CNTN4: variants seen among roughly 807,000 people sequenced by gnomAD.
The protein encoded by CNTN4 is contactin-4.
In CNTN4, 77 loss-of-function variants were observed where a neutral mutation model predicts 122.5. The observed-to-expected ratio is 0.63, with a 90% CI of 0.52 to 0.76. CNTN4 has a LOEUF of 0.76. CNTN4 is among the 30% of genes least tolerant of loss of function. CNTN4 has a pLI of 0.00. For synonymous variants in CNTN4, 512 were observed against 447.0 expected, an observed-to-expected ratio of 1.15 and a Z score of -1.83; for missense variants, 1,256 against 1,259.1, an observed-to-expected ratio of 1.00 and a Z score of 0.04.
intron 2 of CNTN4, among the ~76,000 whole-genome samples, chr3:2,226,256 T>C (rs1244409549): frequency 6.6e-6 from 1 of 152,196 alleles, no homozygotes; most frequent in East Asian, 1.9e-4. Flanking sequence ...AAGGTTGGAC[T>C]TGCCTCGTCT....
chr3:2,626,366 G>A lies in CNTN4; in HGVS notation c.55+54808G>A, dbSNP rs533130041. 3.3e-5 allele frequency among the ~76,000 whole-genome samples: 5 copies of A among 152,084 alleles called. No individual in the cohort carries two copies. The East Asian group carries it at 9.7e-4, about 29-fold the overall frequency. ...AAAAAAATTAGCCAGGCGTGGTGGT[G>A]GGCACCTGTAGTCCCAGCTACTCGG... is the stretch of plus-strand genomic sequence containing the variant. On this transcript the variant is annotated intron_variant, in intron 4 of 24. Transcript: ENST00000418658.
chr3:2,434,577 G>A (rs1408822795), intron 3 of CNTN4, among the ~76,000 whole-genome samples: 3 of 152,162 alleles, frequency 2.0e-5, no homozygotes, highest in Non-Finnish European at 2.9e-5. Flanking sequence ...AGTTTGTTTT[G>A]TAATTTCCGG....
At chr3:2,418,276 A>T (rs909680420) in intron 3 of CNTN4, among the ~76,000 whole-genome samples, 4 of 152,144 alleles carry the variant, frequency 2.6e-5, no homozygotes, top group Admixed American at 2.6e-4. Flanking sequence ...CTTCCCCTCA[A>T]TTTTGCTGTG....
At chr3:2,247,810 A>G (rs1043225139) in intron 2 of CNTN4, among the ~76,000 whole-genome samples, 1 of 152,006 alleles carries the variant, frequency 6.6e-6, no homozygotes, top group African/African-American at 2.4e-5. Flanking sequence ...CTTAGAAGTT[A>G]TGATAATAAT....
At chr3:2,644,429 C>T (rs2083028481) in intron 4 of CNTN4, among the ~76,000 whole-genome samples, 1 of 152,076 alleles carries the variant, frequency 6.6e-6, no homozygotes, top group African/African-American at 2.4e-5. Context: ...GAGCTCCTTT[C>T]AGAAACTCTC....
chr3:2,157,113 C>T, intron 2 of CNTN4, among the ~76,000 whole-genome samples: 1 of 152,070 alleles, frequency 6.6e-6, no homozygotes, highest in East Asian at 1.9e-4. Context: ...AAGAGAAGTT[C>T]TGGTTCCTGT....
At chr3:2,661,738 G>A (rs1164998195) in intron 4 of CNTN4, among the ~76,000 whole-genome samples, 10 of 147,288 alleles carry the variant, frequency 6.8e-5, no homozygotes, top group African/African-American at 2.3e-4. Flanking sequence ...CTTCAACCCA[G>A]GAGGCAGAGG....
intron 7 of CNTN4, among the ~76,000 whole-genome samples, chr3:2,833,865 C>T (rs1171745184): frequency 2.0e-5 from 3 of 152,138 alleles, no homozygotes; most frequent in African/African-American, 4.8e-5. Flanking sequence ...CTGGGCTGGG[C>T]GAGGTGGCTC....
intron 4 of CNTN4, among the ~76,000 whole-genome samples, chr3:2,644,187 C>A (rs2083017625): frequency 6.6e-6 from 1 of 152,196 alleles, no homozygotes; most frequent in Non-Finnish European, 1.5e-5. Context: ...GAAGCCCCTA[C>A]AGGCAAGTCC....
chr3:2,371,244 T>G (rs930129165), intron 3 of CNTN4, among the ~76,000 whole-genome samples: 1 of 152,198 alleles, frequency 6.6e-6, no homozygotes, highest in Non-Finnish European at 1.5e-5. Flanking sequence ...GAGTAAAGAC[T>G]AGCATTCTTT....
intron 3 of CNTN4, among the ~76,000 whole-genome samples, chr3:2,514,801 A>G (rs1440974519): frequency 6.6e-6 from 1 of 152,192 alleles, no homozygotes; most frequent in Non-Finnish European, 1.5e-5. Context: ...CAAATTGCCT[A>G]GGGACAGGGT....
At position 2,891,273 on chromosome 3, in the gene CNTN4, C is replaced by T. The variant is rs534695567; in HGVS notation, c.940+4049C>T. ...GAGGCCAGGAATTCGAAACCAGCTC[C>T]GTCTCTACTAAAATATAAAAATTAG... is the stretch of plus-strand genomic sequence containing the variant. On this transcript the variant is annotated intron_variant, in intron 10 of 24. Coordinates refer to ENST00000418658, the MANE Select transcript of CNTN4 (RefSeq NM_175607.3). Among the ~76,000 whole-genome samples, 26 of 152,080 alleles carry T rather than the reference C, an allele frequency of 1.7e-4. No homozygotes were observed. In the East Asian group the frequency reaches 4.9e-3, roughly 28 times the overall value.
intron 3 of CNTN4, among the ~76,000 whole-genome samples, chr3:2,548,063 A>G (rs1457809894): frequency 4.6e-5 from 7 of 151,896 alleles, no homozygotes; most frequent in Non-Finnish European, 1.0e-4. Context: ...CCTTTCTCAG[A>G]TAGATTATTA....
intron 3 of CNTN4, among the ~76,000 whole-genome samples, chr3:2,343,453 C>T (rs1234222882): frequency 6.6e-6 from 1 of 152,160 alleles, no homozygotes; most frequent in Admixed American, 6.5e-5. Context: ...AACTTCACTT[C>T]AGTCTCTTAT....
At chr3:2,534,603 C>T (rs1454792771) in intron 3 of CNTN4, among the ~76,000 whole-genome samples, 1 of 151,850 alleles carries the variant, frequency 6.6e-6, no homozygotes, top group African/African-American at 2.4e-5. Context: ...CTCTGGATTC[C>T]TTCTGGTCAT....
intron 3 of CNTN4, among the ~76,000 whole-genome samples, chr3:2,525,981 T>C (rs1252261272): frequency 6.6e-6 from 1 of 152,160 alleles, no homozygotes; most frequent in East Asian, 1.9e-4. Context: ...AGGTTTCTTA[T>C]CACACATCTT....
chr3:2,549,654 A>T (rs1197908086), intron 3 of CNTN4, among the ~76,000 whole-genome samples: 1 of 151,974 alleles, frequency 6.6e-6, no homozygotes, highest in African/African-American at 2.4e-5. Flanking sequence ...ATTGGCCTGA[A>T]ATTTTCTTTT....
intron 3 of CNTN4, among the ~76,000 whole-genome samples, chr3:2,400,893 C>G (rs1377691600): frequency 6.6e-6 from 1 of 151,504 alleles, no homozygotes; most frequent in Non-Finnish European, 1.5e-5. Context: ...CAAACCCCAT[C>G]ACAGGTTTGA....
intron 3 of CNTN4, among the ~76,000 whole-genome samples, chr3:2,563,081 G>A (rs138819073): frequency 0.01 from 1,560 of 152,196 alleles, 13 homozygotes; most frequent in Middle Eastern, 0.048. Context: ...GGGTCAAATG[G>A]TAGTTCTGTT....
Sources: gnomAD v4.1 joint callset for allele counts (sites outside exome capture counted in the v4.1 genomes callset) on GRCh38, gnomAD v4.1.1 for gene constraint, MANE v1.5 for transcripts, NCBI Gene and HGNC (gene_info 2026-07-23, HGNC 2026-07-21) for gene names.